The following SLC35D4 variants were observed in gnomAD, a reference collection of about 807,000 sequenced individuals.
SLC35D4 encodes the protein solute carrier family 35 member D4, also known as UDP-N-acetylglucosamine transporter SLC35D4.
At chr18:23,358,250 A>G in the SLC35D4 span, among the ~76,000 whole-genome samples, 6 of 152,136 alleles carry the variant, frequency 3.9e-5, no homozygotes, top group Non-Finnish European at 7.4e-5. Flanking sequence ...AACGGCGGAG[A>G]GGGAGACGAA....
chr18:23,271,258 A>G, the SLC35D4 span, among the ~76,000 whole-genome samples: 2 of 152,206 alleles, frequency 1.3e-5, no homozygotes, highest in African/African-American at 4.8e-5. Flanking sequence ...CCATGATTGT[A>G]AGGCCTCCCC....
At chr18:23,269,721 G>T in the SLC35D4 span, among the ~76,000 whole-genome samples, 1 of 152,214 alleles carries the variant, frequency 6.6e-6, no homozygotes, top group Admixed American at 6.5e-5. Flanking sequence ...GGTTGAGGTG[G>T]TCTCAGATGG....
the SLC35D4 span, among the ~76,000 whole-genome samples, chr18:23,316,938 A>G: frequency 6.6e-6 from 1 of 152,160 alleles, no homozygotes; most frequent in South Asian, 2.1e-4. Flanking sequence ...GCTTGGCCCC[A>G]TTTCTACAGA....
the SLC35D4 span, among the ~76,000 whole-genome samples, chr18:23,305,569 G>T: frequency 3.3e-5 from 5 of 152,202 alleles, no homozygotes; most frequent in Admixed American, 2.0e-4. Context: ...ATTAATGTAA[G>T]AAATGTCTGA....
the SLC35D4 span, among the ~76,000 whole-genome samples, chr18:23,398,163 G>C: frequency 6.6e-6 from 1 of 152,178 alleles, no homozygotes; most frequent in African/African-American, 2.4e-5. Context: ...CCTCTGTCAA[G>C]TGGTTAGCAG....
chr18:23,303,098 C>T, the SLC35D4 span, among the ~76,000 whole-genome samples: 1 of 151,986 alleles, frequency 6.6e-6, no homozygotes, highest in Non-Finnish European at 1.5e-5. Context: ...AGGGATCAGC[C>T]ACCGCCCCTG....
At chr18:23,301,096 A>C in the SLC35D4 span, among the ~76,000 whole-genome samples, 1 of 152,252 alleles carries the variant, frequency 6.6e-6, no homozygotes, top group African/African-American at 2.4e-5. Context: ...AGATGGGAGA[A>C]GTCCCAAACT....
chr18:23,341,542 C>A, the SLC35D4 span, among the ~76,000 whole-genome samples: 4 of 152,368 alleles, frequency 2.6e-5, no homozygotes, highest in Non-Finnish European at 5.9e-5. Flanking sequence ...TCTGGCACCA[C>A]TGAAACATCC....
chr18:23,333,107 T>A, the SLC35D4 span, among the ~76,000 whole-genome samples: 7 of 152,154 alleles, frequency 4.6e-5, no homozygotes, highest in Non-Finnish European at 8.8e-5. Flanking sequence ...ATAAAAAGCA[T>A]AAGTATTGAA....
chr18:23,399,769 G>A, the SLC35D4 span: 1 of 884,480 alleles, frequency 1.1e-6, no homozygotes, highest in Non-Finnish European at 1.8e-6. Context: ...AAAATCCCTG[G>A]CAGACTTGTT....
chr18:23,238,777 G>GGCT, the SLC35D4 span, among the ~76,000 whole-genome samples: 1 of 152,336 alleles, frequency 6.6e-6, no homozygotes, highest in African/African-American at 2.4e-5. Context: ...CTAGTTGATA[G>GGCT]ACAGGAAATG....
At chr18:23,346,115 AT>A in the SLC35D4 span, among the ~76,000 whole-genome samples, 35 of 152,176 alleles carry the variant, frequency 2.3e-4, no homozygotes, top group Middle Eastern at 3.4e-3. Context: ...AAAAAAAAAA[AT>A]ATTTTTAAAG....
the SLC35D4 span, among the ~76,000 whole-genome samples, chr18:23,249,037 C>T: frequency 2.6e-5 from 4 of 152,128 alleles, no homozygotes; most frequent in Non-Finnish European, 5.9e-5. Context: ...GCTCCAGATC[C>T]GTGCTGCTCT....
the SLC35D4 span, among the ~76,000 whole-genome samples, chr18:23,240,174 CA>C: frequency 1.3e-5 from 2 of 152,150 alleles, no homozygotes; most frequent in Admixed American, 1.3e-4. Flanking sequence ...ACGTGGGCCC[CA>C]GGGGGTAGGC....
the SLC35D4 span, among the ~76,000 whole-genome samples, chr18:23,359,168 C>T: frequency 9.9e-5 from 15 of 152,030 alleles, no homozygotes; most frequent in Non-Finnish European, 1.5e-5. Flanking sequence ...GGGTGAATCA[C>T]GAGGTCAGGA....
the SLC35D4 span, among the ~76,000 whole-genome samples, chr18:23,308,314 C>T: frequency 2.6e-5 from 4 of 152,154 alleles, no homozygotes; most frequent in African/African-American, 7.2e-5. Context: ...GATCCGCAGG[C>T]TGATTTGGCG....
chr18:23,400,047 C>G, the SLC35D4 span, among the ~76,000 whole-genome samples: 1 of 152,148 alleles, frequency 6.6e-6, no homozygotes, highest in Non-Finnish European at 1.5e-5. Context: ...CCAAACAGCT[C>G]CGTGGAATCA....
chr18:23,258,645 C>T, the SLC35D4 span: 1 of 152,226 alleles, frequency 6.6e-6, no homozygotes, highest in Non-Finnish European at 1.5e-5. Flanking sequence ...ACTCTTGTTG[C>T]TTTTTGTATA....
chr18:23,308,179 G>A, the SLC35D4 span, among the ~76,000 whole-genome samples: 7 of 152,336 alleles, frequency 4.6e-5, no homozygotes, highest in Admixed American at 4.6e-4. Context: ...AAGGCCTGGG[G>A]GATGAGCAGT....
Sources: allele counts gnomAD v4.1 joint callset (sites outside exome capture counted in the v4.1 genomes callset), GRCh38; gene constraint gnomAD v4.1.1; transcripts MANE v1.5; gene names NCBI Gene and HGNC (gene_info 2026-07-23, HGNC 2026-07-21).